STK33: variants seen among roughly 807,000 people sequenced by gnomAD.
STK33 encodes the protein serine/threonine-protein kinase 33.
STK33 carries 52 observed loss-of-function variants against 58.0 expected under a neutral mutation model. The ratio of observed to expected loss-of-function variants is 0.90; its 90% CI spans 0.72 to 1.13. The LOEUF (loss-of-function observed/expected upper bound fraction) is 1.13. Ranked by LOEUF, STK33 falls within the 50% of genes most tolerant of loss-of-function variation. STK33 has a pLI of 0.00. For synonymous variants in STK33, 215 were observed against 200.1 expected, an observed-to-expected ratio of 1.07 and a Z score of -0.63; for missense variants, 630 against 604.2, an observed-to-expected ratio of 1.04 and a Z score of -0.45.
chr11:8,552,495 C>A (rs1042565291), intron 1 of STK33, among the ~76,000 whole-genome samples: 1 of 152,118 alleles, frequency 6.6e-6, no homozygotes, highest in Admixed American at 6.6e-5. Context: ...GCTTAAAACA[C>A]AAATACAGGT....
In STK33 at chr11:8,464,665, C is replaced by T. The variant is rs145424988; in HGVS notation, c.453+44G>A. ...AGCTGTACTGTCCACACCCACCCTGCACTAACACTGTGCCCTCAGTAGGAT... is the reference window on the plus strand; with the variant it reads ...AGCTGTACTGTCCACACCCACCCTGTACTAACACTGTGCCCTCAGTAGGAT... On this transcript the variant is annotated intron_variant, in intron 7 of 15. Coordinates refer to ENST00000687296, the MANE Select transcript of STK33 (RefSeq NM_001352389.2). The T allele has an allele frequency of 5.5e-5, 78 of 1,409,664 alleles. No homozygotes were observed. In the East Asian group the frequency reaches 1.3e-3, roughly 24 times the overall value. The allele number at this position is 1,409,664 out of a possible 1,614,324, so 87.3% of individuals were successfully genotyped here.
chr11:8,398,852 G>A (rs958101159), intron 15 of STK33, among the ~76,000 whole-genome samples: 2 of 151,150 alleles, frequency 1.3e-5, no homozygotes, highest in African/African-American at 4.9e-5. Flanking sequence ...AACCAACAAA[G>A]ATCAAAAGAG....
the STK33 span, among the ~76,000 whole-genome samples, chr11:8,378,187 T>C: frequency 6.6e-6 from 1 of 152,206 alleles, no homozygotes; most frequent in Non-Finnish European, 1.5e-5. Context: ...CTTCTTCACA[T>C]GGCAGCAGCA....
intron 15 of STK33, among the ~76,000 whole-genome samples, chr11:8,401,996 G>C (rs977110069): frequency 6.6e-6 from 1 of 152,120 alleles, no homozygotes; most frequent in African/African-American, 2.4e-5. Context: ...GGAGAAATAG[G>C]AACACTTTTA....
At chr11:8,566,567 A>G (rs948009633) in intron 1 of STK33, among the ~76,000 whole-genome samples, 1 of 152,234 alleles carries the variant, frequency 6.6e-6, no homozygotes, top group Admixed American at 6.5e-5. Context: ...AGCATCTCAT[A>G]GGATATCTTG....
At chr11:8,496,693 G>A (rs892156168) in intron 1 of STK33, among the ~76,000 whole-genome samples, 1 of 151,536 alleles carries the variant, frequency 6.6e-6, no homozygotes, top group African/African-American at 2.4e-5. Flanking sequence ...TCCTGCCTCA[G>A]CCTCCCGAGT....
chr11:8,573,018 C>G (rs12292871), intron 1 of STK33, among the ~76,000 whole-genome samples: 8,406 of 151,896 alleles, frequency 0.055, 410 homozygotes, highest in African/African-American at 0.14. Context: ...ACAAAAACTA[C>G]CAACCTACAG....
chr11:8,568,741 T>C lies in STK33; in HGVS notation c.-466+25342A>G, dbSNP rs555230592. On this transcript the variant is annotated intron_variant, in intron 1 of 15. Transcript: ENST00000687296. ...GAAATATAATGCAGCAGAAGGAAGA[T>C]TGATTCTGATACTACAGAGAAAAAG... Among the ~76,000 whole-genome samples, 20 of 152,296 alleles carry C rather than the reference T, an allele frequency of 1.3e-4. 1 individual carries two copies. In the Middle Eastern group the frequency reaches 0.01, roughly 78 times the overall value.
intron 15 of STK33, among the ~76,000 whole-genome samples, chr11:8,408,905 T>G (rs906974067): frequency 1.3e-5 from 2 of 152,224 alleles, no homozygotes; most frequent in African/African-American, 4.8e-5. Context: ...ATGTGAAATG[T>G]TGCCAACCAT....
the STK33 span, among the ~76,000 whole-genome samples, chr11:8,365,969 C>G: frequency 6.6e-6 from 1 of 152,238 alleles, no homozygotes; most frequent in Non-Finnish European, 1.5e-5. Context: ...CGGTCTATTT[C>G]CATTTATTCA....
At chr11:8,556,473 G>A (rs1956751780) in intron 1 of STK33, among the ~76,000 whole-genome samples, 1 of 152,062 alleles carries the variant, frequency 6.6e-6, no homozygotes, top group Non-Finnish European at 1.5e-5. Flanking sequence ...CATCTAAAAA[G>A]GTCATAAGTA....
chr11:8,457,443 C>G lies in STK33; in HGVS notation c.595G>C (p.Glu199Gln). 1.9e-6 allele frequency: 3 copies of G among 1,603,960 alleles called. No individual in the cohort carries two copies. The highest frequency in any genetic ancestry group is 2.7e-5 in the African/African-American group (2 of 74,906). The change falls in exon 9 of 16, where the codon GAA (glutamate) becomes CAA (glutamine). Residue 199 changes from glutamate (E) to glutamine (Q), a missense_variant. Physicochemically the swap from Glu to Gln is conservative, Grantham distance 29 (BLOSUM62 2). Coordinates refer to ENST00000687296, the MANE Select transcript of STK33 (RefSeq NM_001352389.2). ...TTCCTATCCAGAATTTCTTTGAGTT[C>G]TCCATCCTCACAAAGCTCCATCACA... ...YLVMELCEDG[E>Q]LKEILDRKGH...
chr11:8,512,885 A>G (rs1952454094), intron 1 of STK33, among the ~76,000 whole-genome samples: 1 of 152,102 alleles, frequency 6.6e-6, no homozygotes, highest in African/African-American at 2.4e-5. Flanking sequence ...TGTGCCTTAT[A>G]ACTTCCCATT....
intron 11 of STK33, among the ~76,000 whole-genome samples, chr11:8,449,223 G>C (rs1023175222): frequency 4.6e-5 from 7 of 151,608 alleles, no homozygotes; most frequent in Non-Finnish European, 8.8e-5. Flanking sequence ...AAGACAGTGT[G>C]GCGATTCCTC....
intron 15 of STK33, among the ~76,000 whole-genome samples, chr11:8,412,074 G>A (rs1940345522): frequency 6.6e-6 from 1 of 152,052 alleles, no homozygotes; most frequent in African/African-American, 2.4e-5. Context: ...ACAACTCAAG[G>A]CCACAAAACG....
chr11:8,552,316 G>T (rs529251743), intron 1 of STK33, among the ~76,000 whole-genome samples: 47 of 152,248 alleles, frequency 3.1e-4, no homozygotes, highest in Admixed American at 2.9e-3. Flanking sequence ...GTATATTCAG[G>T]GTGGTATTCT....
At chr11:8,519,885 C>G (rs1045961301) in intron 1 of STK33, among the ~76,000 whole-genome samples, 2 of 152,060 alleles carry the variant, frequency 1.3e-5, no homozygotes, top group African/African-American at 4.8e-5. Context: ...CAGGACCAGA[C>G]GGATTCACAG....
the STK33 span, among the ~76,000 whole-genome samples, chr11:8,379,321 G>A: frequency 2.6e-5 from 4 of 152,132 alleles, no homozygotes; most frequent in Admixed American, 2.0e-4. Context: ...AAAGGCTTCT[G>A]CACAGCAGAA....
chr11:8,423,513 G>A (rs1942255386), intron 14 of STK33, among the ~76,000 whole-genome samples: 2 of 151,992 alleles, frequency 1.3e-5, no homozygotes, highest in Non-Finnish European at 2.9e-5. Flanking sequence ...AGAAGCATGT[G>A]ATTTATTTTC....
Sources: gnomAD v4.1 joint callset for allele counts (sites outside exome capture counted in the v4.1 genomes callset) on GRCh38, gnomAD v4.1.1 for gene constraint, MANE v1.5 for transcripts, NCBI Gene and HGNC (gene_info 2026-07-23, HGNC 2026-07-21) for gene names.